The following PHEX variants were observed in gnomAD, a reference collection of about 807,000 sequenced individuals.
The protein encoded by PHEX is phosphate-regulating neutral endopeptidase PHEX.
PHEX carries 16 observed loss-of-function variants against 68.0 expected under a neutral mutation model. That is an observed-to-expected ratio of 0.24 (90% CI 0.16 to 0.36). PHEX has a LOEUF of 0.36. Among genes scored for constraint, PHEX ranks in the 10% least tolerant of loss-of-function variants. The pLI, the probability that PHEX is intolerant of heterozygous loss-of-function variation, is 1.00. For missense variants in PHEX, 480 were observed against 575.5 expected (o/e 0.83, Z 1.70); for synonymous variants, 208 against 205.1 (o/e 1.01, Z -0.12).
At chrX:22,096,871 A>G in intron 7 of PHEX, 84 bp from the exon 8 acceptor site, 2 of 720,026 alleles carry the variant, frequency 2.8e-6, no homozygotes, top group Non-Finnish European at 4.4e-6. Context: ...AATACTATGC[A>G]GATGTTTTGG....
intron 7 of PHEX, among the ~76,000 whole-genome samples, chrX:22,094,454 A>C: frequency 8.9e-6 from 1 of 112,342 alleles, no homozygotes; most frequent in Middle Eastern, 4.6e-3. Flanking sequence ...TAGATGTTTA[A>C]TAAATCCTTA....
intron 13 of PHEX, among the ~76,000 whole-genome samples, chrX:22,174,280 G>A (rs926384255): frequency 5.4e-5 from 6 of 111,904 alleles, no homozygotes; most frequent in Admixed American, 1.9e-4. Context: ...GCCAAGTATT[G>A]TCTCTTGCCA....
At chrX:22,201,976 T>C (rs1934573216) in intron 15 of PHEX, among the ~76,000 whole-genome samples, 1 of 87,682 alleles carries the variant, frequency 1.1e-5, no homozygotes, top group African/African-American at 8.1e-5. Context: ...CAATTGTTTT[T>C]TACCCTTATT....
rs776288532 is a variant in PHEX, at chrX:22,249,964, G to GTCAC, written c.*2013_*2016dup. On this transcript the variant is annotated 3_prime_UTR_variant, in exon 22 of 22. Coordinates refer to ENST00000379374, the MANE Select transcript of PHEX (RefSeq NM_000444.6). ...TTATGGCTTTGGAAAGACAAACTAA[G>GTCAC]TCACTTGTTGGTTTAGCAAAACTGG... 1 of 111,769 alleles carries GTCAC rather than the reference G, an allele frequency of 8.9e-6. No homozygotes were observed. Among genetic ancestry groups the GTCAC allele is most frequent in the South Asian group, 3.7e-4 (1 of 2,668 alleles). 9.2% of individuals were successfully genotyped at this position (111,769 alleles called of 1,213,427 possible). A position where few individuals can be genotyped will look rare whatever the true frequency, so the allele number is the denominator to read the frequency against.
chrX:22,094,125 C>CTTTCCTTTACTTTCTTTTCT (rs751793274), intron 7 of PHEX, 26 bp downstream of exon 7: 93 of 814,486 alleles, frequency 1.1e-4, no homozygotes, highest in Non-Finnish European at 1.5e-4. Flanking sequence ...AAATCTCTTT[C>CTTTCCTTTACTTTCTTTTCT]TTTCCTTTAC....
chrX:22,247,749 G>A (rs1245488199), intron 21 of PHEX, 102 bp from the exon 22 acceptor site: 9 of 620,015 alleles, frequency 1.5e-5, no homozygotes, highest in Non-Finnish European at 2.4e-5. Context: ...CAGATTAAAA[G>A]AATGCCAACC....
At position 22,224,983 on chromosome X, in the gene PHEX, A is replaced by AAC. The variant is rs1935417465; in HGVS notation, c.1900-1460_1900-1459insAC. On this transcript the variant is annotated intron_variant, in intron 18 of 21. Transcript: ENST00000379374. ...AGCGCTGTATGATTTATTATCATAC[A>AAC]GCTCTGTATGTCAGAAGTCTGACAT... Among the ~76,000 whole-genome samples, 6 of 108,515 alleles carry AAC rather than the reference A, an allele frequency of 5.5e-5. 2 individuals carry two copies. The highest frequency in any genetic ancestry group is 1.9e-4 in the Admixed American group (2 of 10,448). The allele number at this position is 108,515 out of a possible 115,157, so 94.2% of individuals were successfully genotyped here.
chrX:22,195,047 T>C, intron 15 of PHEX, among the ~76,000 whole-genome samples: 1 of 112,043 alleles, frequency 8.9e-6, no homozygotes, highest in African/African-American at 3.2e-5. Context: ...ATCTAGTTTG[T>C]ATGGCCTTAG....
At chrX:22,074,024 C>T (rs1422356160) in intron 3 of PHEX, among the ~76,000 whole-genome samples, 1 of 111,284 alleles carries the variant, frequency 9.0e-6, no homozygotes, top group African/African-American at 3.3e-5. Flanking sequence ...TTGAGAAATC[C>T]TCCAAGAAAC....
intron 12 of PHEX, among the ~76,000 whole-genome samples, chrX:22,164,813 G>A (rs975452184): frequency 8.9e-6 from 1 of 112,508 alleles, no homozygotes; most frequent in Non-Finnish European, 1.9e-5. Flanking sequence ...ATCTCAGAAT[G>A]AGGTAACCTA....
At chrX:22,118,525 C>T (rs1467584290) in intron 11 of PHEX, among the ~76,000 whole-genome samples, 2 of 110,045 alleles carry the variant, frequency 1.8e-5, no homozygotes, top group East Asian at 2.8e-4. Flanking sequence ...AAAAACCCTG[C>T]GTTAGGACCT....
At chrX:22,119,117 C>T (rs1437816745) in intron 11 of PHEX, among the ~76,000 whole-genome samples, 4 of 111,210 alleles carry the variant, frequency 3.6e-5, no homozygotes, top group African/African-American at 6.5e-5. Context: ...AGTGCAGTGG[C>T]GTGATCTCGG....
intron 9 of PHEX, among the ~76,000 whole-genome samples, chrX:22,103,774 GC>G (rs1930538036): frequency 8.9e-6 from 1 of 111,834 alleles, no homozygotes; most frequent in Non-Finnish European, 1.9e-5. Context: ...ACATGCATGA[GC>G]TAGTATCTTT....
At chrX:22,152,843 GGTATACTTA>G (rs1453218220) in intron 12 of PHEX, among the ~76,000 whole-genome samples, 1 of 111,275 alleles carries the variant, frequency 9.0e-6, no homozygotes, top group Admixed American at 9.6e-5. Flanking sequence ...ATATTTGATT[GGTATACTTA>G]GTATTTGTGC....
chrX:22,058,016 G>A (rs1398193590), intron 3 of PHEX, among the ~76,000 whole-genome samples: 2 of 111,655 alleles, frequency 1.8e-5, no homozygotes, highest in South Asian at 3.8e-4. Flanking sequence ...AGGAGGGGAA[G>A]CAAAATCATC....
chrX:22,213,044 G>A, intron 16 of PHEX, 86 bp downstream of exon 16: 1 of 748,037 alleles, frequency 1.3e-6, no homozygotes, highest in East Asian at 3.2e-5. Context: ...CAAAGTCAAA[G>A]GTTATTCAGC....
chrX:22,114,693 G>A, intron 11 of PHEX, 107 bp downstream of exon 11: 4 of 666,887 alleles, frequency 6.0e-6, no homozygotes, highest in Non-Finnish European at 9.8e-6. Context: ...GTGGCCTGTG[G>A]GTATTGTCTT....
At position 22,047,118 on chromosome X, in the gene PHEX, G is replaced by T. The variant is rs1569369642; in HGVS notation, c.256G>T (p.Asp86Tyr). The change falls in exon 3 of 22, where the codon GAT becomes TAT. Residue 86 changes from aspartate to tyrosine, a missense_variant. Asp to Tyr is a radical substitution (Grantham distance 160). Coordinates refer to ENST00000379374, the MANE Select transcript of PHEX (RefSeq NM_000444.6). ...PCDNFFRFAC[D>Y]GWISNNPIPE... The stretch of plus-strand genomic sequence containing the variant: ...TGATAATTTCTTCCGGTTCGCTTGT[G>T]ATGGCTGGATAAGCAATAATCCAAT... The T allele has an allele frequency of 8.3e-7, 1 of 1,205,633 alleles. No individual in the cohort carries two copies. The highest frequency in any genetic ancestry group is 2.2e-5 in the Admixed American group (1 of 45,998).
rs187981817 is a variant in PHEX, at chrX:22,219,252, C to T, written c.1768+149C>T. 3.0e-4 allele frequency: 146 copies of T among 479,809 alleles called. 1 individual carries two copies. Among genetic ancestry groups the T allele is most frequent in the Admixed American group, 8.2e-4 (28 of 34,284 alleles). The allele number at this position is 479,809 out of a possible 1,213,427, so 39.5% of individuals were successfully genotyped here. A position where few individuals can be genotyped will look rare whatever the true frequency, so the allele number is the denominator to read the frequency against. ...TGATTGCTGATTGAAAACTTTTCACCGTGTCTTGCTGTGATGGCTTGCAAT... is the reference window on the plus strand; with the variant it reads ...TGATTGCTGATTGAAAACTTTTCACTGTGTCTTGCTGTGATGGCTTGCAAT... On this transcript the variant is annotated intron_variant, in intron 17 of 21. Transcript: ENST00000379374.
Sources: allele counts gnomAD v4.1 joint callset (sites outside exome capture counted in the v4.1 genomes callset), GRCh38; gene constraint gnomAD v4.1.1; transcripts MANE v1.5; gene names NCBI Gene and HGNC (gene_info 2026-07-23, HGNC 2026-07-21).